Variants in MMP21 observed in about 807,000 individuals in gnomAD.
The protein encoded by MMP21 is matrix metallopeptidase 21, also known as matrix metalloproteinase-21.
Under a neutral mutation model 47.8 loss-of-function variants are expected in MMP21, and 40 were observed. That is an observed-to-expected ratio of 0.84 (90% CI 0.65 to 1.09). The LOEUF is 1.09. Among genes scored for constraint, MMP21 ranks in the 50% least tolerant of loss-of-function variants. MMP21 has a pLI of 0.00. For missense variants in MMP21, 747 were observed against 775.3 expected (o/e 0.96, Z 0.43); for synonymous variants, 341 against 318.0 (o/e 1.07, Z -0.77).
intron 1 of MMP21, among the ~76,000 whole-genome samples, chr10:125,774,778 G>A (rs955077014): frequency 3.3e-5 from 5 of 152,168 alleles, no homozygotes; most frequent in Admixed American, 3.3e-4. Context: ...TGCGGGGCAG[G>A]TCGCGCAGGG....
chr10:125,772,076 G>C lies in MMP21; in HGVS notation c.979+142C>G, dbSNP rs1050139101. The C allele has an allele frequency of 2.3e-5, 22 of 959,804 alleles. No homozygotes were observed. The Admixed American group carries it at 5.3e-4, about 23-fold the overall frequency. 59.5% of individuals were successfully genotyped at this position (959,804 alleles called of 1,614,324 possible). On this transcript the variant is annotated intron_variant, in intron 4 of 6. Transcript: ENST00000368808. The surrounding 1 kb of genome is among the most constrained non-coding windows in gnomAD (Gnocchi z 5.6). ...AGAGAATGGCATCAGGGAGCTAGAG[G>C]GTGGCTACCCTTGGGTGACATGAGT...
In MMP21 at chr10:125,772,254, C is replaced by T. The variant is rs1360914155; in HGVS notation, c.943G>A (p.Asp315Asn). The T allele has an allele frequency of 2.5e-6, 4 of 1,614,182 alleles. No homozygotes were observed. In the South Asian group the frequency reaches 3.3e-5, roughly 13 times the overall value. ...YIPQEPAFEL[D>N]WSDRKAIQKL... ...TGAATTGCTTTCCTGTCTGACCAGT[C>T]CAACTCAAAGGCAGGCTCCTGGGGA... Residue 315 changes from aspartate (D) to asparagine (N), a missense_variant, in exon 4 of 7, where the codon GAC becomes AAC. Physicochemically the swap from Asp to Asn is conservative, Grantham distance 23 (BLOSUM62 1). Transcript: ENST00000368808. This position sits in a 1 kb window ranked among gnomAD's most constrained non-coding sequence, Gnocchi z 5.6.
In MMP21 at chr10:125,772,584, T is replaced by C. The variant is rs1417402350; in HGVS notation, c.837+27A>G. The C allele has an allele frequency of 2.5e-6, 4 of 1,614,144 alleles. No individual in the cohort carries two copies. The highest frequency in any genetic ancestry group is 2.5e-6 in the Non-Finnish European group (3 of 1,179,962). On this transcript the variant is annotated intron_variant, in intron 3 of 6. Transcript: ENST00000368808. The surrounding 1 kb of genome is among the most constrained non-coding windows in gnomAD (Gnocchi z 5.6). ...GCCCATGAGCACTGCTGGTGTCTTA[T>C]CAACACAGTGGCTCAGGACCACTGA...
At position 125,775,773 on chromosome 10, in the gene MMP21, C is replaced by T. The variant is rs1320474659; in HGVS notation, c.49G>A (p.Ala17Thr). Residue 17 changes from alanine to threonine, a missense_variant, in exon 1 of 7, where the codon GCT (alanine) becomes ACT (threonine). Transcript: ENST00000368808. ...TCGGGCTGGGTGGGCCAGGGAGCAGCCAGCCAGCAGAGCAGCAGTGTCGGA... is the reference window on the plus strand; with the variant it reads ...TCGGGCTGGGTGGGCCAGGGAGCAGTCAGCCAGCAGAGCAGCAGTGTCGGA... The part of the protein sequence containing the change: ...FRPTLLLCWL[A>T]APWPTQPESL... 3 of 1,613,192 alleles carry T rather than the reference C, an allele frequency of 1.9e-6. No individual in the cohort carries two copies. The highest frequency in any genetic ancestry group is 1.7e-5 in the Admixed American group (1 of 59,936).
At chr10:125,767,052 T>C (rs1850394893) in intron 6 of MMP21, 91 bp from the exon 7 acceptor site, 1 of 1,042,362 alleles carries the variant, frequency 9.6e-7, no homozygotes, top group African/African-American at 1.6e-5. Flanking sequence ...CTCAAGACTT[T>C]GTACCAAATT....
intron 4 of MMP21, among the ~76,000 whole-genome samples, chr10:125,771,542 T>G (rs1040009160): frequency 6.6e-6 from 1 of 152,152 alleles, no homozygotes. Context: ...TAGCTGGGAT[T>G]ACAGGCGTGT....
chr10:125,766,689 G>C lies in MMP21; in HGVS notation c.1683C>G (p.Asp561Glu). ...ACATGTTCAGTGTGGAGATATGGAC[G>C]TCACAAACATCAAACCACTTCTCTG... Reference protein sequence around the residue: ...FISEKWFDVCDVHISTLNM With the variant: ...FISEKWFDVCEVHISTLNM Residue 561 changes from aspartate to glutamate, a missense_variant, in exon 7 of 7, where the codon GAC becomes GAG. Physicochemically the swap from Asp to Glu is conservative, Grantham distance 45 (BLOSUM62 2). Coordinates refer to ENST00000368808, the MANE Select transcript of MMP21 (RefSeq NM_147191.1). 6.2e-7 allele frequency: 1 copy of C among 1,611,934 alleles called. No homozygotes were observed. The highest frequency in any genetic ancestry group is 1.1e-5 in the South Asian group (1 of 90,600).
In MMP21 at chr10:125,770,383, G is replaced by T; in HGVS notation, c.1188C>A (p.Ala396=). 8 of 1,614,158 alleles carry T rather than the reference G, an allele frequency of 5.0e-6. No individual in the cohort carries two copies. The highest frequency in any genetic ancestry group is 6.8e-6 in the Non-Finnish European group (8 of 1,180,014). ...WPGIPTHNID[A]FVHIWTWKRD... is the part of the protein sequence containing the mutation. ...TTTTCCATGTCCAGATGTGAACAAA[G>T]GCATCTATGTTGTGTGTTGGGATTC... Residue 396 remains alanine, a synonymous_variant, in exon 5 of 7, where the codon GCC becomes GCA. Coordinates refer to ENST00000368808, the MANE Select transcript of MMP21 (RefSeq NM_147191.1).
chr10:125,772,757 A>G lies in MMP21; in HGVS notation c.698-7T>C. The G allele has an allele frequency of 6.2e-7, 1 of 1,611,096 alleles. No homozygotes were observed. The highest frequency in any genetic ancestry group is 8.5e-7 in the Non-Finnish European group (1 of 1,178,492). On this transcript the variant is annotated splice_region_variant and splice_polypyrimidine_tract_variant and intron_variant, in intron 2 of 6. Transcript: ENST00000368808. The surrounding 1 kb of genome is among the most constrained non-coding windows in gnomAD (Gnocchi z 5.6). ...GGACAGCCCAGGTGCCGGCCTGGCG[A>G]GGGGGAGGAGGAGTTGGTCCCGGTG... is the stretch of plus-strand genomic sequence containing the variant.
intron 1 of MMP21, 67 bp downstream of exon 1, chr10:125,775,593 G>C (rs551539640): frequency 6.7e-7 from 1 of 1,493,814 alleles, no homozygotes; most frequent in Non-Finnish European, 9.0e-7. Flanking sequence ...CTGTGCGCGC[G>C]TGCGCATGTG....
At position 125,770,461 on chromosome 10, in the gene MMP21, T is replaced by C; in HGVS notation, c.1110A>G (p.Arg370=). ...RNSWYWLYEN[R]NNRTRYGDPI... ...GGTCCCCATAGCGTGTCCTATTGTT[T>C]CGATTTTCATAAAGCCAGTACCAGC... The change falls in exon 5 of 7, where the codon CGA becomes CGG. Residue 370 remains arginine, a synonymous_variant. Transcript: ENST00000368808. 1 of 1,614,210 alleles carries C rather than the reference T, an allele frequency of 6.2e-7. No homozygotes were observed. Among genetic ancestry groups the C allele is most frequent in the Non-Finnish European group, 8.5e-7 (1 of 1,180,048 alleles).
intron 4 of MMP21, among the ~76,000 whole-genome samples, chr10:125,771,522 G>A (rs2133782737): frequency 6.6e-6 from 1 of 151,992 alleles, no homozygotes; most frequent in African/African-American, 2.4e-5. Context: ...TCCTGCCTCA[G>A]CCTCCCAAGT....
chr10:125,775,187 C>T (rs1360110128), intron 1 of MMP21, among the ~76,000 whole-genome samples: 4 of 152,220 alleles, frequency 2.6e-5, no homozygotes, highest in Non-Finnish European at 5.9e-5. Flanking sequence ...TGCATTGGAC[C>T]TCCTGGGTGC....
rs1392946600 is a variant in MMP21, at chr10:125,766,886, C to T, written c.1486G>A (p.Val496Ile). Residue 496 changes from valine to isoleucine, a missense_variant, in exon 7 of 7, where the codon GTA becomes ATA. By Grantham distance (29) the Val-to-Ile change is conservative (BLOSUM62 3). Coordinates refer to ENST00000368808, the MANE Select transcript of MMP21 (RefSeq NM_147191.1). The part of the protein sequence containing the change: ...PKRITEVFPA[V>I]IPQNHPFRNI... ...CTGAAAGGATGATTTTGTGGTATTACTGCTGGAAAAACTTCAGTAATCCTC... is the reference window on the plus strand; with the variant it reads ...CTGAAAGGATGATTTTGTGGTATTATTGCTGGAAAAACTTCAGTAATCCTC... 1 of 1,613,106 alleles carries T rather than the reference C, an allele frequency of 6.2e-7. No homozygotes were observed. Among genetic ancestry groups the T allele is most frequent in the Non-Finnish European group, 8.5e-7 (1 of 1,179,734 alleles).
intron 4 of MMP21, among the ~76,000 whole-genome samples, chr10:125,771,543 A>G (rs370880232): frequency 7.2e-5 from 11 of 152,022 alleles, no homozygotes; most frequent in African/African-American, 2.7e-4. Context: ...AGCTGGGATT[A>G]CAGGCGTGTG....
chr10:125,767,601 G>A lies in MMP21; in HGVS notation c.1341C>T (p.Ile447=). The A allele has an allele frequency of 6.2e-7, 1 of 1,614,152 alleles. No individual in the cohort carries two copies. Among genetic ancestry groups the A allele is most frequent in the South Asian group, 1.1e-5 (1 of 91,072 alleles). ...AAAACGCCGTGTCTAGGGGACTTGG[G>A]ATGCCAGGAAATCCTTCTGAAATCA... is the stretch of plus-strand genomic sequence containing the variant. The part of the protein sequence containing the change: ...PKLISEGFPG[I]PSPLDTAFYD... Residue 447 remains isoleucine (I), a synonymous_variant, in exon 6 of 7, where the codon ATC becomes ATT. Coordinates refer to ENST00000368808, the MANE Select transcript of MMP21 (RefSeq NM_147191.1).
At chr10:125,771,011 T>TA (rs1850440340) in intron 4 of MMP21, among the ~76,000 whole-genome samples, 1 of 151,822 alleles carries the variant, frequency 6.6e-6, no homozygotes, top group African/African-American at 2.4e-5. Flanking sequence ...GCTTGGGCGA[T>TA]AGAGTGAGAC....
chr10:125,772,240 C>G lies in MMP21; in HGVS notation c.957G>C (p.Arg319Ser). The change falls in exon 4 of 7, where the codon AGG becomes AGC. Residue 319 changes from arginine (R) to serine (S), a missense_variant. Physicochemically the swap from Arg to Ser is moderately radical, Grantham distance 110. Coordinates refer to ENST00000368808, the MANE Select transcript of MMP21 (RefSeq NM_147191.1). This position sits in a 1 kb window ranked among gnomAD's most constrained non-coding sequence, Gnocchi z 5.6. ...EPAFELDWSDRKAIQKLYGSC... is the reference protein window; with the variant it reads ...EPAFELDWSDSKAIQKLYGSC... ...TACCATACAGCTTTTGAATTGCTTT[C>G]CTGTCTGACCAGTCCAACTCAAAGG... The G allele has an allele frequency of 1.2e-6, 2 of 1,614,196 alleles. No individual in the cohort carries two copies. The highest frequency in any genetic ancestry group is 1.7e-6 in the Non-Finnish European group (2 of 1,180,040).
intron 5 of MMP21, among the ~76,000 whole-genome samples, chr10:125,769,263 C>T (rs1234731532): frequency 6.6e-6 from 1 of 152,120 alleles, no homozygotes; most frequent in African/African-American, 2.4e-5. Context: ...TGGTGTGTTC[C>T]CCATGACCCC....
Sources: gnomAD v4.1 joint callset for allele counts (sites outside exome capture counted in the v4.1 genomes callset) on GRCh38, gnomAD v4.1.1 for gene constraint, Gnocchi (gnomAD v3.1) non-coding constraint, MANE v1.5 for transcripts, NCBI Gene and HGNC (gene_info 2026-07-23, HGNC 2026-07-21) for gene names.